IST1: variants seen among roughly 807,000 people sequenced by gnomAD.
IST1 encodes IST1 homolog.
Under a neutral mutation model 37.0 loss-of-function variants are expected in IST1, and 23 were observed. The ratio of observed to expected loss-of-function variants is 0.62; its 90% CI spans 0.45 to 0.88. The LOEUF is 0.88. Among genes scored for constraint, IST1 ranks in the 40% least tolerant of loss-of-function variants. IST1 has a pLI of 0.00. For missense variants in IST1, 488 were observed against 445.4 expected, an observed-to-expected ratio of 1.10 and a Z score of -0.86; for synonymous variants, 180 against 161.7, an observed-to-expected ratio of 1.11 and a Z score of -0.86.
chr16:71,926,720 A>T (rs746456320), intron 9 of IST1, among the ~76,000 whole-genome samples: 1 of 151,980 alleles, frequency 6.6e-6, no homozygotes, highest in Non-Finnish European at 1.5e-5. Flanking sequence ...TCTTACCTCA[A>T]AGTTCCCTTG....
chr16:71,926,232 A>G (rs1429712082), intron 9 of IST1, among the ~76,000 whole-genome samples: 2 of 151,020 alleles, frequency 1.3e-5, no homozygotes, highest in Non-Finnish European at 3.0e-5. Context: ...TAGTGAACCA[A>G]GATTATGCCA....
intron 1 of IST1, among the ~76,000 whole-genome samples, chr16:71,912,905 A>G (rs1394928819): frequency 6.6e-6 from 1 of 152,146 alleles, no homozygotes. Flanking sequence ...AATTTCATCC[A>G]TGTTGTAGCA....
chr16:71,918,277 T>A (rs184659475), intron 4 of IST1, among the ~76,000 whole-genome samples: 2 of 152,158 alleles, frequency 1.3e-5, no homozygotes, highest in Non-Finnish European at 2.9e-5. Context: ...CACTGTTGTC[T>A]CCTGTGTGTA....
At chr16:71,918,834 A>G (rs1305222891) in intron 4 of IST1, among the ~76,000 whole-genome samples, 1 of 152,228 alleles carries the variant, frequency 6.6e-6, no homozygotes, top group Non-Finnish European at 1.5e-5. Flanking sequence ...ATCTCTGTGT[A>G]GTATAAACCA....
At position 71,921,337 on chromosome 16, in the gene IST1, T is replaced by C. The variant is rs369406902; in HGVS notation, c.442-6T>C. 3.1e-6 allele frequency: 5 copies of C among 1,589,056 alleles called. No homozygotes were observed. The highest frequency in any genetic ancestry group is 4.3e-6 in the Non-Finnish European group (5 of 1,158,434). On this transcript the variant is annotated splice_region_variant and splice_polypyrimidine_tract_variant and intron_variant, in intron 5 of 9. Coordinates refer to ENST00000378799, the MANE Select transcript of IST1 (RefSeq NM_001270975.2). ...GCATCTTAGCCCTGGGTCTTTTTACTTACAGCTAATGCACAAGCTGAGTGT... is the reference window on the plus strand; with the variant it reads ...GCATCTTAGCCCTGGGTCTTTTTACCTACAGCTAATGCACAAGCTGAGTGT...
In IST1 at chr16:71,901,036, T is replaced by C. The variant is rs182952379; in HGVS notation, c.-16+5447T>C. 1.4e-4 allele frequency among the ~76,000 whole-genome samples: 21 copies of C among 152,304 alleles called. 1 individual carries two copies. The highest frequency in any genetic ancestry group is 4.8e-4 in the African/African-American group (20 of 41,566). Reference sequence around the variant, plus strand: ...ATATAATCACATATGTATAAAAATTTGTTTATGTTTGTTAATGTATATATG... The same window carrying C: ...ATATAATCACATATGTATAAAAATTCGTTTATGTTTGTTAATGTATATATG... On this transcript the variant is annotated intron_variant, in intron 1 of 9. Transcript: ENST00000378799.
intron 1 of IST1, among the ~76,000 whole-genome samples, chr16:71,899,317 G>T (rs1461612890): frequency 1.3e-5 from 2 of 152,130 alleles, no homozygotes; most frequent in African/African-American, 4.8e-5. Flanking sequence ...GGCGGCTCAT[G>T]CCTGTAATCC....
upstream of IST1, chr16:71,894,698 CTTTTTT>C (rs35889170): frequency 5.6e-5 from 25 of 443,766 alleles, no homozygotes; most frequent in East Asian, 2.1e-4. Flanking sequence ...TAATTTTTAA[CTTTTTT>C]TTTTTTTTTT....
rs1270014445 is a variant in IST1 at position 71,920,996 on chromosome 16, C to T, written c.441+174C>T. ...GTGTGGTCCAATCCTTACACCTGCC[C>T]AATTCCTCTGGTTACTGTCATTCCT... On this transcript the variant is annotated intron_variant, in intron 5 of 9. Transcript: ENST00000378799. The T allele has an allele frequency of 1.4e-5, 9 of 656,968 alleles. No individual in the cohort carries two copies. In the East Asian group the frequency reaches 2.2e-4, roughly 16 times the overall value. 40.7% of individuals were successfully genotyped at this position (656,968 alleles called of 1,614,324 possible).
At chr16:71,902,560 G>A (rs757954235) in intron 1 of IST1, among the ~76,000 whole-genome samples, 1 of 152,162 alleles carries the variant, frequency 6.6e-6, no homozygotes, top group Admixed American at 6.6e-5. Context: ...GTAAGCCACC[G>A]CGCCCAGCCT....
intron 8 of IST1, chr16:71,924,438 A>G: frequency 2.3e-6 from 1 of 444,074 alleles, no homozygotes; most frequent in Non-Finnish European, 4.2e-6. Flanking sequence ...CCAAAATACA[A>G]AAATTGGCCA....
intron 5 of IST1, 61 bp from the exon 6 acceptor site, chr16:71,921,282 G>C (rs1440865916): frequency 1.0e-6 from 1 of 959,054 alleles, no homozygotes; most frequent in Non-Finnish European, 1.7e-6. Flanking sequence ...TTCGCATAGT[G>C]AGGTGAGGAT....
chr16:71,899,996 C>CAAA (rs71153680), intron 1 of IST1, among the ~76,000 whole-genome samples: 15 of 117,926 alleles, frequency 1.3e-4, no homozygotes, highest in African/African-American at 2.4e-4. Context: ...GACTCTGTCT[C>CAAA]AAAAAAAAAA....
chr16:71,912,244 A>C (rs983110609), intron 1 of IST1, among the ~76,000 whole-genome samples: 1 of 151,800 alleles, frequency 6.6e-6, no homozygotes, highest in East Asian at 1.9e-4. Context: ...CCATTATAAA[A>C]ATTTTTTTTT....
At chr16:71,924,654 C>G (rs2037693926) in intron 8 of IST1, 115 bp from the exon 9 acceptor site, 1 of 779,876 alleles carries the variant, frequency 1.3e-6, no homozygotes, top group Non-Finnish European at 2.3e-6. Context: ...TTCTTTGGAA[C>G]AGGCTCTGTT....
At position 71,924,097 on chromosome 16, in the gene IST1, T is replaced by C. The variant is rs1403017260; in HGVS notation, c.853-672T>C. On this transcript the variant is annotated intron_variant, in intron 8 of 9. Transcript: ENST00000378799. ...CTTTGGTTCCCATCTGTAGCTGATG[T>C]GTTCTACCTTGGGCCTGAGTTTTTC... The C allele has an allele frequency of 1.1e-5, 5 of 455,750 alleles. No individual in the cohort carries two copies. In the East Asian group the frequency reaches 3.5e-4, roughly 32 times the overall value. 28.2% of individuals were successfully genotyped at this position (455,750 alleles called of 1,614,324 possible).
At position 71,927,836 on chromosome 16, in the gene IST1, C is replaced by T. The variant is rs959191867; in HGVS notation, c.*23C>T. 6 of 1,579,822 alleles carry T rather than the reference C, an allele frequency of 3.8e-6. 1 individual carries two copies. The African/African-American group carries it at 8.1e-5, about 21-fold the overall frequency. On this transcript the variant is annotated 3_prime_UTR_variant, in exon 10 of 10. Coordinates refer to ENST00000378799, the MANE Select transcript of IST1 (RefSeq NM_001270975.2). ...TAGGTCTCTTAAACCAGGCAACTTT[C>T]ACGTTTTGGGAGTTGAGACTGAGCA...
At chr16:71,906,416 T>C (rs2037225544) in intron 1 of IST1, among the ~76,000 whole-genome samples, 1 of 152,014 alleles carries the variant, frequency 6.6e-6, no homozygotes, top group African/African-American at 2.4e-5. Context: ...CAAGCGGTTC[T>C]CCTGCCTCAG....
rs1258138595 is a variant in IST1, at chr16:71,928,081, T to TCCTGG, written c.*271_*275dup. 1 of 427,964 alleles carries TCCTGG rather than the reference T, an allele frequency of 2.3e-6. No homozygotes were observed. The highest frequency in any genetic ancestry group is 3.6e-5 in the Admixed American group (1 of 28,062). 26.5% of individuals were successfully genotyped at this position (427,964 alleles called of 1,614,324 possible). Reference sequence around the variant, plus strand: ...CCTGTCAGAGTGATCCCAGGTTTCCTCCTGGCCCGTCCCATGGTCCCTCCA... The same window carrying TCCTGG: ...CCTGTCAGAGTGATCCCAGGTTTCCTCCTGGCCTGGCCCGTCCCATGGTCCCTCCA... On this transcript the variant is annotated 3_prime_UTR_variant, in exon 10 of 10. Transcript: ENST00000378799.
Sources: gnomAD v4.1 joint callset for allele counts (sites outside exome capture counted in the v4.1 genomes callset) on GRCh38, gnomAD v4.1.1 for gene constraint, MANE v1.5 for transcripts, NCBI Gene and HGNC (gene_info 2026-07-23, HGNC 2026-07-21) for gene names.